The following CHLSN variants were observed in gnomAD, a reference collection of about 807,000 sequenced individuals.
CHLSN encodes the protein protein cholesin.
At chr7:1,046,733 T>C in the CHLSN span, among the ~76,000 whole-genome samples, 1 of 152,194 alleles carries the variant, frequency 6.6e-6, no homozygotes, top group African/African-American at 2.4e-5. Context: ...CAGGTGTCTG[T>C]TCATCCCCAC....
the CHLSN span, among the ~76,000 whole-genome samples, chr7:1,064,989 C>T: frequency 6.6e-6 from 1 of 152,258 alleles, no homozygotes; most frequent in Non-Finnish European, 1.5e-5. Flanking sequence ...GACAGCGTTC[C>T]CCGCTGTCCA....
the CHLSN span, among the ~76,000 whole-genome samples, chr7:1,127,979 G>A: frequency 1.0e-3 from 17 of 16,844 alleles, 1 homozygote; most frequent in South Asian, 2.3e-3. Context: ...GCAGTGGCAC[G>A]ATCTCGGCTC....
chr7:1,103,395 C>T, the CHLSN span, among the ~76,000 whole-genome samples: 3 of 152,166 alleles, frequency 2.0e-5, no homozygotes, highest in Non-Finnish European at 2.9e-5. Context: ...AGCTATCAGG[C>T]GCTATGCACA....
chr7:988,027 G>T, the CHLSN span, among the ~76,000 whole-genome samples: 7 of 151,522 alleles, frequency 4.6e-5, no homozygotes, highest in Non-Finnish European at 1.5e-5. Context: ...TGTGTCCTGG[G>T]GGTCCCCTCT....
the CHLSN span, among the ~76,000 whole-genome samples, chr7:999,075 CTT>C: frequency 6.6e-6 from 1 of 151,974 alleles, no homozygotes; most frequent in Non-Finnish European, 1.5e-5. Context: ...TGTAAGATAA[CTT>C]TGCGTGTGTG....
the CHLSN span, among the ~76,000 whole-genome samples, chr7:1,125,265 C>T: frequency 7.9e-5 from 12 of 152,362 alleles, no homozygotes; most frequent in East Asian, 1.9e-3. Flanking sequence ...GCTGTGCCCA[C>T]CTCCTGCTGG....
At chr7:1,009,023 G>A in the CHLSN span, among the ~76,000 whole-genome samples, 1 of 110,836 alleles carries the variant, frequency 9.0e-6, no homozygotes, top group Non-Finnish European at 1.8e-5. Context: ...ACATACACAT[G>A]CACACACGTA....
chr7:1,130,899 T>G, the CHLSN span, among the ~76,000 whole-genome samples: 1 of 152,008 alleles, frequency 6.6e-6, no homozygotes, highest in Admixed American at 6.6e-5. Flanking sequence ...ACCCCAAAAG[T>G]AAAACAGTCC....
the CHLSN span, among the ~76,000 whole-genome samples, chr7:998,160 C>A: frequency 1.3e-4 from 20 of 152,174 alleles, 1 homozygote; most frequent in African/African-American, 4.8e-4. Context: ...TACGCGCCGG[C>A]ACTTGGCACG....
the CHLSN span, among the ~76,000 whole-genome samples, chr7:1,128,479 T>G: frequency 6.5e-5 from 1 of 15,442 alleles, no homozygotes; most frequent in Non-Finnish European, 1.1e-4. Flanking sequence ...TGGAGTGCAG[T>G]GGCACAATCT....
chr7:989,018 C>G, the CHLSN span: 1 of 551,194 alleles, frequency 1.8e-6, no homozygotes, highest in Non-Finnish European at 3.2e-6. Context: ...CTGTGGGACC[C>G]CCACCCCTCT....
chr7:1,055,000 GGCGGCTGCATGGACCTGGACAC>G, the CHLSN span, among the ~76,000 whole-genome samples: 6 of 152,346 alleles, frequency 3.9e-5, no homozygotes, highest in Non-Finnish European at 5.9e-5. Flanking sequence ...GAACACCAGG[GGCGGCTGCATGGACCTGGACAC>G]GTGTCTGCCT....
the CHLSN span, among the ~76,000 whole-genome samples, chr7:1,136,226 A>G: frequency 8.5e-6 from 1 of 117,122 alleles, no homozygotes; most frequent in Non-Finnish European, 1.6e-5. Flanking sequence ...ATAAACATAT[A>G]TAAATATATA....
the CHLSN span, among the ~76,000 whole-genome samples, chr7:1,115,295 G>A: frequency 3.3e-5 from 5 of 152,328 alleles, no homozygotes; most frequent in South Asian, 2.1e-4. Context: ...GATGAGAAAC[G>A]GCCCCGGCCC....
chr7:1,119,050 C>T, the CHLSN span, among the ~76,000 whole-genome samples: 6,186 of 150,526 alleles, frequency 0.041, 314 homozygotes, highest in African/African-American at 0.12. Flanking sequence ...GTCTAGAGAT[C>T]GAGACCATCC....
the CHLSN span, among the ~76,000 whole-genome samples, chr7:1,133,051 C>T: frequency 3.9e-5 from 6 of 152,054 alleles, no homozygotes; most frequent in African/African-American, 1.5e-4. Flanking sequence ...CATCCATGGA[C>T]GAAGGGGGAA....
chr7:1,070,939 A>G, the CHLSN span, among the ~76,000 whole-genome samples: 1 of 147,946 alleles, frequency 6.8e-6, no homozygotes, highest in African/African-American at 2.5e-5. Flanking sequence ...ACACGCACAC[A>G]TGCACACACA....
the CHLSN span, among the ~76,000 whole-genome samples, chr7:1,011,408 A>AC: frequency 8.7e-6 from 1 of 115,496 alleles, no homozygotes; most frequent in African/African-American, 3.9e-5. Flanking sequence ...CAGATACCCA[A>AC]ACACCCACAG....
the CHLSN span, among the ~76,000 whole-genome samples, chr7:1,071,990 G>A: frequency 6.3e-4 from 96 of 152,324 alleles, 1 homozygote; most frequent in African/African-American, 1.7e-3. Flanking sequence ...AAGCAGCTCC[G>A]GGCAAGTGGC....
Sources: gnomAD v4.1 joint callset for allele counts (sites outside exome capture counted in the v4.1 genomes callset) on GRCh38, gnomAD v4.1.1 for gene constraint, MANE v1.5 for transcripts, NCBI Gene and HGNC (gene_info 2026-07-23, HGNC 2026-07-21) for gene names.